The following DNAH10 variants were observed in gnomAD, a reference collection of about 807,000 sequenced individuals.
The protein encoded by DNAH10 is dynein axonemal heavy chain 10.
Under a neutral mutation model 506.6 loss-of-function variants are expected in DNAH10, and 348 were observed. That is an observed-to-expected ratio of 0.69 (90% confidence interval 0.63 to 0.75). DNAH10 has a LOEUF of 0.75. Ranked by LOEUF, DNAH10 falls within the 30% of genes least tolerant of loss-of-function variation. The pLI is 0.00. For missense variants in DNAH10, 5,179 were observed against 5,787.1 expected, an observed-to-expected ratio of 0.89 and a Z score of 3.41; for synonymous variants, 2,059 against 2,198.6, an observed-to-expected ratio of 0.94 and a Z score of 1.78.
chr12:123,812,999 A>G (rs1428425177), intron 19 of DNAH10, among the ~76,000 whole-genome samples, 165 bp from the exon 20 acceptor site: 1 of 152,194 alleles, frequency 6.6e-6, no homozygotes, highest in Non-Finnish European at 1.5e-5. Context: ...CCATCTCTTG[A>G]TGAGAGGAAC....
At chr12:123,893,508 C>G in intron 53 of DNAH10, 72 bp downstream of exon 53, 2 of 1,553,670 alleles carry the variant, frequency 1.3e-6, no homozygotes, top group Non-Finnish European at 1.8e-6. Flanking sequence ...TCTGTCCACA[C>G]CTCTCCAGGT....
At chr12:123,789,846 C>G in intron 10 of DNAH10, 81 bp from the exon 11 acceptor site, 1 of 1,338,142 alleles carries the variant, frequency 7.5e-7, no homozygotes, top group Non-Finnish European at 1.0e-6. Flanking sequence ...AGGTCAGTCT[C>G]GATATGCTAT....
Position 123,925,180 on chromosome 12 carries a change from A to G in DNAH10, c.11897A>G (p.Tyr3966Cys). 1.9e-6 allele frequency: 3 copies of G among 1,613,998 alleles called. No homozygotes were observed. Among genetic ancestry groups the G allele is most frequent in the Non-Finnish European group, 2.5e-6 (3 of 1,179,888 alleles). Residue 3966 changes from tyrosine to cysteine, a missense_variant, in exon 68 of 79, where the codon TAT (tyrosine) becomes TGT (cysteine). Tyr to Cys is a radical substitution (Grantham distance 194). Around this residue, in one of 3 missense-constraint regions of DNAH10, gnomAD observed 4,844 missense variants for 5,430.5 expected, o/e 0.89. Coordinates refer to ENST00000673944, the MANE Select transcript of DNAH10 (RefSeq NM_001372106.1). This position sits in a 1 kb window ranked among gnomAD's most constrained non-coding sequence, Gnocchi z 4.0. ...CGGGTCTATCGGGCCGTGACTGACT[A>G]TGTGACTGTAACAATGGGAGAGAAG... is the stretch of plus-strand genomic sequence containing the variant. ...VDRVYRAVTDYVTVTMGEKYV... is the reference protein window; with the variant it reads ...VDRVYRAVTDCVTVTMGEKYV...
At chr12:123,890,594 T>G (rs775587063) in intron 52 of DNAH10, among the ~76,000 whole-genome samples, 1 of 152,156 alleles carries the variant, frequency 6.6e-6, no homozygotes, top group Non-Finnish European at 1.5e-5. Flanking sequence ...CCAAGATTTA[T>G]GTTTCTAAAA....
intron 14 of DNAH10, among the ~76,000 whole-genome samples, 194 bp from the exon 15 acceptor site, chr12:123,800,022 C>A (rs1434678962): frequency 2.0e-5 from 3 of 152,140 alleles, no homozygotes; most frequent in Non-Finnish European, 4.4e-5. Flanking sequence ...TTTTCAAATG[C>A]CGGCAACTGA....
At chr12:123,877,192 A>T (rs1259320402) in intron 47 of DNAH10, among the ~76,000 whole-genome samples, 1 of 152,040 alleles carries the variant, frequency 6.6e-6, no homozygotes, top group East Asian at 1.9e-4. Context: ...CATGTTGGGT[A>T]TTTCATATAA....
chr12:123,916,369 C>T lies in DNAH10; in HGVS notation c.10723-88C>T. The T allele has an allele frequency of 5.3e-6, 8 of 1,516,812 alleles. No individual in the cohort carries two copies. Among genetic ancestry groups the T allele is most frequent in the Non-Finnish European group, 7.1e-6 (8 of 1,132,224 alleles). The allele number at this position is 1,516,812 out of a possible 1,614,324, so 94.0% of individuals were successfully genotyped here. A position where few individuals can be genotyped will look rare whatever the true frequency, so the allele number is the denominator to read the frequency against. ...CCCCTCCAAGTTCCTGGCCCATCCA[C>T]TTCCCACTTCCAAGCCATTCTCCCC... On this transcript the variant is annotated intron_variant, in intron 62 of 78. Coordinates refer to ENST00000673944, the MANE Select transcript of DNAH10 (RefSeq NM_001372106.1). The surrounding 1 kb of genome is among the most constrained non-coding windows in gnomAD (Gnocchi z 4.6).
intron 54 of DNAH10, among the ~76,000 whole-genome samples, chr12:123,896,939 G>C (rs1268898203): frequency 6.6e-6 from 1 of 152,094 alleles, no homozygotes; most frequent in African/African-American, 2.4e-5. Context: ...CAACACCACT[G>C]TCTGTTGCCA....
At chr12:123,870,515 G>A (rs1306694683) in intron 44 of DNAH10, 30 bp downstream of exon 44, 1 of 1,605,732 alleles carries the variant, frequency 6.2e-7, no homozygotes, top group Non-Finnish European at 8.5e-7. Flanking sequence ...TTGTTCCTGG[G>A]TTTAGGAGTG....
intron 51 of DNAH10, among the ~76,000 whole-genome samples, chr12:123,886,211 A>C (rs1053764479): frequency 1.8e-4 from 27 of 152,126 alleles, no homozygotes; most frequent in Non-Finnish European, 3.7e-4. Context: ...TTTTCCCCTA[A>C]AGTAGCGCCT....
In DNAH10 at chr12:123,905,831, A is replaced by G. The variant is rs144081178; in HGVS notation, c.9815+2718A>G. Among the ~76,000 whole-genome samples, 288 of 151,828 alleles carry G rather than the reference A, an allele frequency of 1.9e-3. 3 individuals carry two copies. Among genetic ancestry groups the G allele is most frequent in the African/African-American group, 6.5e-3 (268 of 41,356 alleles). ...ATCTTTTCCTGGTTTGTCATGGGCTATTTGACTTTGTTTATGAGGTTTATG... is the reference window on the plus strand; with the variant it reads ...ATCTTTTCCTGGTTTGTCATGGGCTGTTTGACTTTGTTTATGAGGTTTATG... On this transcript the variant is annotated intron_variant, in intron 57 of 78. Transcript: ENST00000673944.
intron 65 of DNAH10, among the ~76,000 whole-genome samples, chr12:123,921,511 C>T (rs912671198): frequency 6.6e-6 from 1 of 152,036 alleles, no homozygotes; most frequent in Non-Finnish European, 1.5e-5. Flanking sequence ...AGCTGTCCAC[C>T]CATCTTCCTG....
chr12:123,819,408 TA>T (rs376254652), intron 23 of DNAH10, among the ~76,000 whole-genome samples, 158 bp downstream of exon 23: 4,566 of 142,570 alleles, frequency 0.032, 211 homozygotes, highest in African/African-American at 0.1. Context: ...GTGGTCACAT[TA>T]AAAAAAAAAA....
At position 123,907,051 on chromosome 12, in the gene DNAH10, T is replaced by G. The variant is rs1011451099; in HGVS notation, c.9816-2210T>G. Among the ~76,000 whole-genome samples the G allele has an allele frequency of 6.6e-6, 1 of 152,232 alleles. No individual in the cohort carries two copies. The highest frequency in any genetic ancestry group is 1.5e-5 in the Non-Finnish European group (1 of 68,034). ...CCCCACCCCTGCCCTGAGCAGGCACTGGGGCCCATCAGCAGTGAGGCAGGC... is the reference window on the plus strand; with the variant it reads ...CCCCACCCCTGCCCTGAGCAGGCACGGGGGCCCATCAGCAGTGAGGCAGGC... On this transcript the variant is annotated intron_variant, in intron 57 of 78. Transcript: ENST00000673944. This position sits in a 1 kb window ranked among gnomAD's most constrained non-coding sequence, Gnocchi z 4.4.
chr12:123,784,899 G>A (rs996176264), intron 8 of DNAH10, among the ~76,000 whole-genome samples: 7 of 152,198 alleles, frequency 4.6e-5, no homozygotes, highest in Non-Finnish European at 1.0e-4. Context: ...GTGTTGTAGC[G>A]TGGAGCGTGT....
chr12:123,900,647 A>G (rs935073609), intron 56 of DNAH10, among the ~76,000 whole-genome samples: 1 of 152,236 alleles, frequency 6.6e-6, no homozygotes, highest in Non-Finnish European at 1.5e-5. Context: ...TGCAAATGGT[A>G]GAAACTGAGC....
rs568776602 is a variant in DNAH10 at position 123,823,857 on chromosome 12, GT to G, written c.4180-2821del. ...TACTAGGTCTTATTCATTCTTTCTGGTTTTTTTTTCTGTAGCAAAATAAGCA... is the reference window on the plus strand; with the variant it reads ...TACTAGGTCTTATTCATTCTTTCTGGTTTTTTTTCTGTAGCAAAATAAGCA... On this transcript the variant is annotated intron_variant, in intron 24 of 78. Coordinates refer to ENST00000673944, the MANE Select transcript of DNAH10 (RefSeq NM_001372106.1). 8.0e-5 allele frequency among the ~76,000 whole-genome samples: 12 copies of G among 150,308 alleles called. No homozygotes were observed. The South Asian group carries it at 1.1e-3, about 13-fold the overall frequency.
rs1469390170 is a variant in DNAH10 at position 123,804,933 on chromosome 12, T to TGA, written c.2882_2883dup (p.Gly962ArgfsTer30). 1.2e-6 allele frequency: 2 copies of TGA among 1,614,078 alleles called. No homozygotes were observed. The highest frequency in any genetic ancestry group is 2.7e-5 in the African/African-American group (2 of 74,926). The stretch of plus-strand genomic sequence containing the variant: ...CCATTGGACCACTGCTGACCAAAGT[T>TGA]GAGGGCCTGGTCGTCCACACCAACA... On this transcript the variant is annotated frameshift_variant, in exon 18 of 79. Transcript: ENST00000673944. LOFTEE classifies it high-confidence loss of function.
rs1953613740 is a variant in DNAH10, at chr12:123,903,248, G to A, written c.9815+135G>A. 8.2e-7 allele frequency: 1 copy of A among 1,222,446 alleles called. No individual in the cohort carries two copies. The highest frequency in any genetic ancestry group is 1.1e-6 in the Non-Finnish European group (1 of 908,582). 75.7% of individuals were successfully genotyped at this position (1,222,446 alleles called of 1,614,324 possible). ...CACTGTGCCTGGCTCTCTCCATGGT[G>A]GAGACTGTTGTTGCCCTCATTTTCG... On this transcript the variant is annotated intron_variant, in intron 57 of 78. Transcript: ENST00000673944. This position sits in a 1 kb window ranked among gnomAD's most constrained non-coding sequence, Gnocchi z 4.6.
Sources: allele counts gnomAD v4.1 joint callset (sites outside exome capture counted in the v4.1 genomes callset), GRCh38; gene constraint gnomAD v4.1.1; regional missense constraint gnomAD v4.1.1; non-coding constraint Gnocchi (gnomAD v3.1); transcripts MANE v1.5; gene names NCBI Gene and HGNC (gene_info 2026-07-23, HGNC 2026-07-21).